ASAP1: variants seen among roughly 807,000 people sequenced by gnomAD.
ASAP1 encodes arf-GAP with SH3 domain, ANK repeat and PH domain-containing protein 1.
ASAP1 carries 43 observed loss-of-function variants against 145.2 expected under a neutral mutation model. That is an observed-to-expected ratio of 0.30 (90% confidence interval 0.23 to 0.38). The LOEUF (loss-of-function observed/expected upper bound fraction) is 0.38, where lower values mean the gene tolerates loss of function less well. ASAP1 is among the 10% of genes least tolerant of loss of function. ASAP1 has a pLI of 1.00. For missense variants in ASAP1, 1,018 were observed against 1,355.3 expected (o/e 0.75, Z 3.91); for synonymous variants, 546 against 515.5 (o/e 1.06, Z -0.80).
intron 9 of ASAP1, among the ~76,000 whole-genome samples, chr8:130,171,477 A>G (rs983822207): frequency 6.6e-6 from 1 of 152,102 alleles, no homozygotes; most frequent in Non-Finnish European, 1.5e-5. Flanking sequence ...CACTTAAAAA[A>G]CCATCAGATT....
intron 13 of ASAP1, among the ~76,000 whole-genome samples, chr8:130,151,143 C>T (rs574060430): frequency 4.6e-5 from 7 of 151,966 alleles, no homozygotes; most frequent in South Asian, 2.1e-4. Context: ...GAGGCCGAAG[C>T]GGGCAGATCA....
chr8:130,072,826 C>CAT (rs1564928141), intron 27 of ASAP1, among the ~76,000 whole-genome samples: 377 of 13,822 alleles, frequency 0.027, 44 homozygotes, highest in African/African-American at 0.074. Context: ...TGTGTGTGTG[C>CAT]GCGCGGGGGG....
chr8:130,079,242 G>A (rs1034185852), intron 26 of ASAP1, among the ~76,000 whole-genome samples: 2 of 152,280 alleles, frequency 1.3e-5, no homozygotes, highest in African/African-American at 4.8e-5. Flanking sequence ...CTCTGGATAA[G>A]AGCTGACTCT....
intron 13 of ASAP1, among the ~76,000 whole-genome samples, chr8:130,144,860 C>T (rs1586432766): frequency 6.6e-6 from 1 of 152,168 alleles, no homozygotes; most frequent in Non-Finnish European, 1.5e-5. Context: ...GACTCATTTC[C>T]AGTTGGCAGA....
chr8:130,419,835 C>T (rs961380381), intron 1 of ASAP1, among the ~76,000 whole-genome samples: 3 of 152,164 alleles, frequency 2.0e-5, no homozygotes, highest in African/African-American at 4.8e-5. Flanking sequence ...GCACAGCCCT[C>T]GCTGTCTCCG....
chr8:130,400,088 G>A (rs1289601504), intron 2 of ASAP1, among the ~76,000 whole-genome samples: 2 of 152,132 alleles, frequency 1.3e-5, no homozygotes, highest in African/African-American at 2.4e-5. Flanking sequence ...CCAAAGTGCT[G>A]GGATTACAGG....
At chr8:130,145,321 T>A (rs2097625838) in intron 13 of ASAP1, among the ~76,000 whole-genome samples, 2 of 152,170 alleles carry the variant, frequency 1.3e-5, no homozygotes, top group South Asian at 4.1e-4. Context: ...ATGGCATATG[T>A]TTTTTTCTTT....
chr8:130,333,738 C>T (rs763084662), intron 3 of ASAP1, among the ~76,000 whole-genome samples: 4 of 152,188 alleles, frequency 2.6e-5, no homozygotes, highest in Admixed American at 1.3e-4. Flanking sequence ...TTAATATTTT[C>T]GCCAATCATA....
chr8:130,379,546 G>C (rs1299515914), intron 2 of ASAP1, among the ~76,000 whole-genome samples: 1 of 152,186 alleles, frequency 6.6e-6, no homozygotes, highest in African/African-American at 2.4e-5. Context: ...CAGAATTGTG[G>C]GGGTTGCCCT....
chr8:130,219,591 G>T (rs751304904), intron 4 of ASAP1, among the ~76,000 whole-genome samples: 1 of 152,208 alleles, frequency 6.6e-6, no homozygotes, highest in Non-Finnish European at 1.5e-5. Context: ...TCTGTTTTAA[G>T]ATCTTTACTA....
rs116845513 is a variant in ASAP1, at chr8:130,229,407, G to A, written c.259+7515C>T. Among the ~76,000 whole-genome samples, 36 of 152,282 alleles carry A rather than the reference G, an allele frequency of 2.4e-4. No homozygotes were observed. In the East Asian group the frequency reaches 6.8e-3, roughly 29 times the overall value. Reference sequence around the variant, plus strand: ...CAGGAAAATACAATCCTACTTTGATGAGACATAAACCATTTAAGAATGAGG... The same window carrying A: ...CAGGAAAATACAATCCTACTTTGATAAGACATAAACCATTTAAGAATGAGG... On this transcript the variant is annotated intron_variant, in intron 4 of 29. Coordinates refer to ENST00000518721, the MANE Select transcript of ASAP1 (RefSeq NM_018482.4).
At chr8:130,273,776 A>G (rs1170218027) in intron 3 of ASAP1, among the ~76,000 whole-genome samples, 1 of 152,240 alleles carries the variant, frequency 6.6e-6, no homozygotes, top group African/African-American at 2.4e-5. Flanking sequence ...ATTAGCCCAC[A>G]TGTAACACTC....
intron 9 of ASAP1, among the ~76,000 whole-genome samples, chr8:130,171,629 C>A (rs1043126212): frequency 1.3e-5 from 2 of 152,112 alleles, no homozygotes; most frequent in African/African-American, 4.8e-5. Flanking sequence ...GGACATGGAG[C>A]CAAACCCTAT....
intron 2 of ASAP1, among the ~76,000 whole-genome samples, chr8:130,388,135 G>A (rs563265829): frequency 1.2e-3 from 188 of 152,320 alleles, no homozygotes; most frequent in African/African-American, 4.4e-3. Context: ...GGCCCTGGAG[G>A]CAGAAGAAGA....
intron 2 of ASAP1, among the ~76,000 whole-genome samples, chr8:130,392,608 C>T (rs1004220865): frequency 2.0e-5 from 3 of 152,144 alleles, no homozygotes; most frequent in Non-Finnish European, 4.4e-5. Context: ...GTGTCTCAGT[C>T]CATTTGTCCT....
At chr8:130,159,383 G>C (rs887044640) in intron 12 of ASAP1, among the ~76,000 whole-genome samples, 2 of 151,902 alleles carry the variant, frequency 1.3e-5, no homozygotes, top group Non-Finnish European at 2.9e-5. Flanking sequence ...AGCACTTTGG[G>C]AGGCTGAGGT....
In ASAP1 at chr8:130,124,039, T is replaced by A. The variant is rs768453989; in HGVS notation, c.1581A>T (p.Ser527=). The A allele has an allele frequency of 3.5e-5, 56 of 1,609,604 alleles. No individual in the cohort carries two copies. In the Middle Eastern group the frequency reaches 5.0e-4, roughly 14 times the overall value. Residue 527 remains serine, a synonymous_variant, in exon 18 of 30, where the codon TCA becomes TCT. Coordinates refer to ENST00000518721, the MANE Select transcript of ASAP1 (RefSeq NM_018482.4). ...DIMEANLPSP[S]PKPTPSSDMT... ...TATCACTTGAAGGGGTGGGTTTTGG[T>A]GAGGGGCTGGGTAAATTTGCTTCCA...
At chr8:130,232,120 A>G (rs1299983238) in intron 4 of ASAP1, among the ~76,000 whole-genome samples, 1 of 152,206 alleles carries the variant, frequency 6.6e-6, no homozygotes, top group East Asian at 1.9e-4. Flanking sequence ...GAACAGAAGG[A>G]CGAGGTTGAA....
intron 3 of ASAP1, among the ~76,000 whole-genome samples, chr8:130,249,829 C>T (rs149395432): frequency 6.6e-6 from 1 of 152,162 alleles, no homozygotes; most frequent in South Asian, 2.1e-4. Flanking sequence ...GAAACTGGAA[C>T]CTACCATCTA....
Sources: gnomAD v4.1 joint callset for allele counts (sites outside exome capture counted in the v4.1 genomes callset) on GRCh38, gnomAD v4.1.1 for gene constraint, MANE v1.5 for transcripts, NCBI Gene and HGNC (gene_info 2026-07-23, HGNC 2026-07-21) for gene names.